Variants in PIEZO1 observed in about 807,000 individuals in gnomAD.
PIEZO1 encodes the protein piezo-type mechanosensitive ion channel component 1.
In PIEZO1, 296 loss-of-function variants were observed where a neutral mutation model predicts 297.2. The observed-to-expected ratio is 1.00, with a 90% CI of 0.91 to 1.10. PIEZO1 has a LOEUF of 1.10. Ranked by LOEUF, PIEZO1 falls within the 50% of genes least tolerant of loss-of-function variation. The probability of loss-of-function intolerance (pLI) is 0.00; values close to 1 mark genes in which losing one functional copy is unlikely to be tolerated. For missense variants in PIEZO1, 5,018 were observed against 3,455.5 expected, an observed-to-expected ratio of 1.45 and a Z score of -11.34; for synonymous variants, 2,427 against 1,507.5, an observed-to-expected ratio of 1.61 and a Z score of -14.13.
chr16:88,737,532 C>G, intron 10 of PIEZO1, 27 bp downstream of exon 10: 1 of 1,477,906 alleles, frequency 6.8e-7, no homozygotes, highest in Non-Finnish European at 9.1e-7. Context: ...CCGCACCCAG[C>G]CATACCTTGC....
chr16:88,756,502 C>A (rs1479500358), intron 1 of PIEZO1, among the ~76,000 whole-genome samples: 2 of 152,224 alleles, frequency 1.3e-5, no homozygotes, highest in Non-Finnish European at 2.9e-5. Context: ...GCCTGTAATC[C>A]CAGCACTTTG....
At position 88,733,560 on chromosome 16, in the gene PIEZO1, G is replaced by A. The variant is rs377336321; in HGVS notation, c.2487+28C>T. 108 of 1,529,108 alleles carry A rather than the reference G, an allele frequency of 7.1e-5. No individual in the cohort carries two copies. In the African/African-American group the frequency reaches 1.3e-3, roughly 18 times the overall value. 94.7% of individuals were successfully genotyped at this position (1,529,108 alleles called of 1,614,324 possible). ...AGGCCAGAGCGACCCCACCCCAGAT[G>A]GGAAGCTGAGTTGCCTGCCACACTC... On this transcript the variant is annotated intron_variant, in intron 18 of 50. Transcript: ENST00000301015.
In PIEZO1 at chr16:88,720,265, CTG is replaced by C; in HGVS notation, c.5966_5967del (p.Thr1989ArgfsTer29). ...TCGTCTGATAGGGAGGACGTGATGT[CTG>C]TGGCCGCCGAGTGCTTCTGTGGCCA... ...FWAFGKHSAA[T>X]DITSSLSDDQ... On this transcript the variant is annotated frameshift_variant, in exon 42 of 51. Coordinates refer to ENST00000301015, the MANE Select transcript of PIEZO1 (RefSeq NM_001142864.4). LOFTEE classifies it high-confidence loss of function. 1 of 1,550,466 alleles carries C rather than the reference CTG, an allele frequency of 6.4e-7. No individual in the cohort carries two copies. Among genetic ancestry groups the C allele is most frequent in the Middle Eastern group, 1.7e-4 (1 of 5,992 alleles).
At chr16:88,731,991 G>C (rs539445849) in intron 21 of PIEZO1, 81 bp from the exon 22 acceptor site, 4 of 304,762 alleles carry the variant, frequency 1.3e-5, no homozygotes, top group African/African-American at 2.2e-5. Flanking sequence ...GCAGGCCTCA[G>C]GCTTGCAGCA....
chr16:88,756,656 T>C (rs1906671248), intron 1 of PIEZO1, among the ~76,000 whole-genome samples: 1 of 152,056 alleles, frequency 6.6e-6, no homozygotes, highest in African/African-American at 2.4e-5. Flanking sequence ...TAGTCCCAGC[T>C]ACTTGGGAGG....
chr16:88,746,910 G>C (rs886994759), intron 2 of PIEZO1, among the ~76,000 whole-genome samples: 1 of 152,238 alleles, frequency 6.6e-6, no homozygotes, highest in Non-Finnish European at 1.5e-5. Flanking sequence ...ACAGAGCAAA[G>C]GGGAGGCCCA....
rs866367574 is a variant in PIEZO1, at chr16:88,746,378, G to A, written c.160+3006C>T. Among the ~76,000 whole-genome samples the A allele has an allele frequency of 3.9e-5, 6 of 152,144 alleles. No homozygotes were observed. The South Asian group carries it at 1.2e-3, about 32-fold the overall frequency. On this transcript the variant is annotated intron_variant, in intron 2 of 50. Transcript: ENST00000301015. ...GGATGGGGCTTCTGAGTCCCTAAAT[G>A]ACAAGCAGGTCTCTGGGAGCCACCC... is the stretch of plus-strand genomic sequence containing the variant.
chr16:88,782,933 C>T (rs567663996), intron 1 of PIEZO1, among the ~76,000 whole-genome samples: 4 of 152,306 alleles, frequency 2.6e-5, no homozygotes, highest in East Asian at 1.9e-4. Context: ...CCAGGCCCCA[C>T]GCCCCATCCC....
In PIEZO1 at chr16:88,716,277, C is replaced by T. The variant is rs781766948; in HGVS notation, c.7050G>A (p.Val2350=). The part of the protein sequence containing the change: ...SLLEGTSDQS[V]VIPNLFPKYI... ...ACTTGGGGAAGAGATTAGGGATGAC[C>T]CTGCAGGGAGGTGCTGGCAGGTCAG... The change falls in exon 49 of 51, where the codon GTG becomes GTA. Residue 2350 remains valine, a splice_region_variant and synonymous_variant. Transcript: ENST00000301015. 7 of 1,489,636 alleles carry T rather than the reference C, an allele frequency of 4.7e-6. No homozygotes were observed. Among genetic ancestry groups the T allele is most frequent in the Middle Eastern group, 1.8e-4 (1 of 5,680 alleles). The allele number at this position is 1,489,636 out of a possible 1,614,324, so 92.3% of individuals were successfully genotyped here.
chr16:88,748,581 G>A (rs1906195365), intron 2 of PIEZO1, among the ~76,000 whole-genome samples: 1 of 151,724 alleles, frequency 6.6e-6, no homozygotes, highest in African/African-American at 2.4e-5. Context: ...GGAACTCCCA[G>A]GCTGCCAGAG....
At chr16:88,749,313 C>G (rs534855812) in intron 2 of PIEZO1, 71 bp downstream of exon 2, 1 of 1,002,944 alleles carries the variant, frequency 1.0e-6, no homozygotes. Flanking sequence ...GAAAGCTGTA[C>G]GAATTTTGGC....
chr16:88,725,552 T>G, intron 28 of PIEZO1, 33 bp from the exon 29 acceptor site: 1 of 1,535,684 alleles, frequency 6.5e-7, no homozygotes, highest in Admixed American at 2.0e-5. Context: ...ATGCTGAGCA[T>G]TGGGGGGAGG....
intron 3 of PIEZO1, 62 bp from the exon 4 acceptor site, chr16:88,742,157 A>G: frequency 1.3e-6 from 2 of 1,527,584 alleles, no homozygotes; most frequent in Non-Finnish European, 1.8e-6. Context: ...TGGCCTGGTC[A>G]TCCCTGGAGC....
intron 2 of PIEZO1, among the ~76,000 whole-genome samples, chr16:88,744,549 G>T (rs1247276483): frequency 6.6e-6 from 1 of 151,316 alleles, no homozygotes; most frequent in Non-Finnish European, 1.5e-5. Context: ...GGGGCTCTCA[G>T]GCCACCTGGC....
chr16:88,744,553 A>C (rs576331286), intron 2 of PIEZO1, among the ~76,000 whole-genome samples: 169 of 151,108 alleles, frequency 1.1e-3, no homozygotes, highest in Non-Finnish European at 2.0e-3. Context: ...CTCTCAGGCC[A>C]CCTGGCTCCC....
intron 1 of PIEZO1, among the ~76,000 whole-genome samples, chr16:88,751,118 C>T (rs977628156): frequency 1.3e-5 from 2 of 152,176 alleles, no homozygotes; most frequent in Non-Finnish European, 2.9e-5. Context: ...GGAGGCCCAG[C>T]CCAGCCCAGC....
intron 1 of PIEZO1, among the ~76,000 whole-genome samples, chr16:88,765,894 G>T (rs375076000): frequency 6.6e-6 from 1 of 152,050 alleles, no homozygotes; most frequent in African/African-American, 2.4e-5. Flanking sequence ...GGCTGGTCTC[G>T]AACTCCTGAC....
In PIEZO1 at chr16:88,734,727, G is replaced by C; in HGVS notation, c.1920C>G (p.Val640=). ...ACTGGAAGGTGTAGACGGCGATGAG[G>C]ACCAGCATGGTGTAGGCCACCACGA... The part of the protein sequence containing the change: ...WWLVVAYTML[V]LIAVYTFQFQ... The change falls in exon 15 of 51, where the codon GTC becomes GTG. Residue 640 remains valine (V), a synonymous_variant. Coordinates refer to ENST00000301015, the MANE Select transcript of PIEZO1 (RefSeq NM_001142864.4). 1 of 1,550,330 alleles carries C rather than the reference G, an allele frequency of 6.5e-7. No individual in the cohort carries two copies. Among genetic ancestry groups the C allele is most frequent in the Non-Finnish European group, 8.7e-7 (1 of 1,146,942 alleles).
chr16:88,724,899 C>T (rs1382995161), intron 30 of PIEZO1, 110 bp downstream of exon 30: 6 of 706,988 alleles, frequency 8.5e-6, no homozygotes, highest in Non-Finnish European at 1.3e-5. Flanking sequence ...TCCTGACGCT[C>T]AGGGCCTGGG....
Sources: allele counts gnomAD v4.1 joint callset (sites outside exome capture counted in the v4.1 genomes callset), GRCh38; gene constraint gnomAD v4.1.1; transcripts MANE v1.5; gene names NCBI Gene and HGNC (gene_info 2026-07-23, HGNC 2026-07-21).